ZNF442: variants seen among roughly 807,000 people sequenced by gnomAD.
ZNF442 encodes zinc finger protein 442.
Under a neutral mutation model 57.0 loss-of-function variants are expected in ZNF442, and 45 were observed. That is an observed-to-expected ratio of 0.79 (90% CI 0.62 to 1.01). The LOEUF is 1.01. Among genes scored for constraint, ZNF442 ranks in the 50% least tolerant of loss-of-function variants. ZNF442 has a pLI of 0.00. For missense variants in ZNF442, 690 were observed against 756.5 expected (o/e 0.91, Z 1.03); for synonymous variants, 213 against 241.8 (o/e 0.88, Z 1.10).
Position 12,350,174 on chromosome 19 carries a change from CA to C in ZNF442, c.1410del (p.Ile470MetfsTer62). On this transcript the variant is annotated frameshift_variant, in exon 6 of 6. Transcript: ENST00000242804. LOFTEE classifies it high-confidence loss of function. ...PYKCKCGKAF[I>X]DFYSFQNHET... Reference sequence around the variant, plus strand: ...TCATGATTTTGAAAGGAATAGAAATCAATAAAGGCTTTCCCACATTTACATT... The same window carrying C: ...TCATGATTTTGAAAGGAATAGAAATCATAAAGGCTTTCCCACATTTACATT... 1 of 1,613,676 alleles carries C rather than the reference CA, an allele frequency of 6.2e-7. No homozygotes were observed. The highest frequency in any genetic ancestry group is 8.5e-7 in the Non-Finnish European group (1 of 1,179,890).
chr19:12,363,732 A>G (rs1465438287), intron 2 of ZNF442, 61 bp from the exon 3 acceptor site: 1 of 1,077,428 alleles, frequency 9.3e-7, no homozygotes, highest in Non-Finnish European at 1.4e-6. Context: ...GAAATGGTAT[A>G]CCAGAATATT....
At chr19:12,369,268 G>A (rs1386084179), upstream of ZNF442, among the ~76,000 whole-genome samples, 1 of 152,188 alleles carries the variant, frequency 6.6e-6, no homozygotes, top group Non-Finnish European at 1.5e-5. Flanking sequence ...TGTAATATGG[G>A]TAGAAAGGAA....
rs1444027112 is a variant in ZNF442, at chr19:12,347,476, G to A, written c.*2225C>T. On this transcript the variant is annotated 3_prime_UTR_variant, in exon 6 of 6. Coordinates refer to ENST00000242804, the MANE Select transcript of ZNF442 (RefSeq NM_030824.3). ...CAAATGCTGCAAGGGAGGTTGGTGG[G>A]GAAAACAATCTATGACATGCTTGAA... The A allele has an allele frequency of 6.6e-6, 1 of 152,208 alleles. No individual in the cohort carries two copies. Among genetic ancestry groups the A allele is most frequent in the Non-Finnish European group, 1.5e-5 (1 of 68,066 alleles). 9.4% of individuals were successfully genotyped at this position (152,208 alleles called of 1,614,324 possible). A position where few individuals can be genotyped will look rare whatever the true frequency, so the allele number is the denominator to read the frequency against.
intron 4 of ZNF442, among the ~76,000 whole-genome samples, chr19:12,352,363 G>A (rs916869872): frequency 2.0e-5 from 3 of 152,076 alleles, no homozygotes; most frequent in Non-Finnish European, 2.9e-5. Flanking sequence ...GACTACAGGT[G>A]TGCACCACCA....
At chr19:12,352,486 G>A (rs575226632) in intron 4 of ZNF442, among the ~76,000 whole-genome samples, 3 of 152,110 alleles carry the variant, frequency 2.0e-5, no homozygotes, top group Admixed American at 6.5e-5. Context: ...GATTACAGGC[G>A]TGAGCCACCA....
chr19:12,360,279 G>A (rs1201880283), intron 3 of ZNF442, among the ~76,000 whole-genome samples: 1 of 152,134 alleles, frequency 6.6e-6, no homozygotes, highest in East Asian at 1.9e-4. Flanking sequence ...TCTAGCAACA[G>A]CCCCACAACA....
At position 12,350,443 on chromosome 19, in the gene ZNF442, T is replaced by G. The variant is rs1001569831; in HGVS notation, c.1142A>C (p.Gln381Pro). Reference protein sequence around the residue: ...HTGEKPYECKQCGKALSHHSS... With the variant: ...HTGEKPYECKPCGKALSHHSS... Reference sequence around the variant, plus strand: ...GTGATGAGATAACGCTTTCCCACACTGCTTGCATTCATAGGGTTTCTCTCC... The same window carrying G: ...GTGATGAGATAACGCTTTCCCACACGGCTTGCATTCATAGGGTTTCTCTCC... Residue 381 changes from glutamine (Q) to proline (P), a missense_variant, in exon 6 of 6, where the codon CAG becomes CCG. Physicochemically the swap from Gln to Pro is moderately conservative, Grantham distance 76. Transcript: ENST00000242804. The G allele has an allele frequency of 6.2e-7, 1 of 1,613,990 alleles. No individual in the cohort carries two copies. The highest frequency in any genetic ancestry group is 8.5e-7 in the Non-Finnish European group (1 of 1,179,942).
At chr19:12,355,055 G>A (rs986230287) in intron 3 of ZNF442, among the ~76,000 whole-genome samples, 1 of 152,040 alleles carries the variant, frequency 6.6e-6, no homozygotes, top group Non-Finnish European at 1.5e-5. Context: ...ACTTTGGAAG[G>A]TTGAGGCAGG....
chr19:12,361,937 G>A (rs1969435237), intron 3 of ZNF442, among the ~76,000 whole-genome samples: 1 of 152,214 alleles, frequency 6.6e-6, no homozygotes, highest in Non-Finnish European at 1.5e-5. Flanking sequence ...GGCCGGGCTG[G>A]TCTCCAGCTC....
chr19:12,360,012 C>G (rs986791107), intron 3 of ZNF442, among the ~76,000 whole-genome samples: 18 of 152,052 alleles, frequency 1.2e-4, no homozygotes, highest in Admixed American at 1.1e-3. Flanking sequence ...ACCCTCCATC[C>G]TGCCCTCCCC....
At chr19:12,352,124 A>G in intron 4 of ZNF442, 54 bp from the exon 5 acceptor site, 1 of 1,533,762 alleles carries the variant, frequency 6.5e-7, no homozygotes, top group Admixed American at 1.8e-5. Context: ...TTCTAAAAAC[A>G]CTACAAGATT....
At chr19:12,355,108 A>T (rs142010207) in intron 3 of ZNF442, among the ~76,000 whole-genome samples, 2 of 151,730 alleles carry the variant, frequency 1.3e-5, no homozygotes, top group Non-Finnish European at 2.9e-5. Flanking sequence ...TGGCTAACAC[A>T]GTGAAACCCT....
At chr19:12,351,377 T>C (rs1487768879) in intron 5 of ZNF442, 59 bp from the exon 6 acceptor site, 12 of 1,468,848 alleles carry the variant, frequency 8.2e-6, no homozygotes, top group East Asian at 2.4e-5. Flanking sequence ...TTATGTTTAT[T>C]AGTAGGTACT....
the ZNF442 span, chr19:12,373,661 A>G: frequency 1.3e-5 from 4 of 308,254 alleles, no homozygotes; most frequent in East Asian, 1.0e-4. Flanking sequence ...ATCCGGAAAT[A>G]TGGTCTCAAT....
chr19:12,367,737 C>G (rs182090174), upstream of ZNF442, among the ~76,000 whole-genome samples: 9 of 152,116 alleles, frequency 5.9e-5, no homozygotes, highest in East Asian at 1.7e-3. Context: ...GGCACAATCT[C>G]GGCTCACTGC....
chr19:12,361,615 TG>T (rs1014328087), intron 3 of ZNF442, among the ~76,000 whole-genome samples: 8 of 149,774 alleles, frequency 5.3e-5, no homozygotes, highest in Non-Finnish European at 1.0e-4. Flanking sequence ...CTTGACAGAC[TG>T]GGGGAAAAAA....
At chr19:12,354,361 A>T (rs567307302) in intron 3 of ZNF442, among the ~76,000 whole-genome samples, 1 of 152,340 alleles carries the variant, frequency 6.6e-6, no homozygotes, top group Admixed American at 6.5e-5. Context: ...TCAAAGGAGA[A>T]TAATGGGGAC....
At chr19:12,355,447 C>T (rs950263904) in intron 3 of ZNF442, among the ~76,000 whole-genome samples, 14 of 149,320 alleles carry the variant, frequency 9.4e-5, no homozygotes, top group Admixed American at 4.0e-4. Context: ...CCACAACCTC[C>T]GCCTCCTGGG....
chr19:12,351,749 C>T (rs1334842518), intron 5 of ZNF442: 21 of 388,076 alleles, frequency 5.4e-5, no homozygotes, highest in Non-Finnish European at 6.5e-5. Context: ...TGTGATCGCT[C>T]GCCTTGGCCT....
Sources: gnomAD v4.1 joint callset for allele counts (sites outside exome capture counted in the v4.1 genomes callset) on GRCh38, gnomAD v4.1.1 for gene constraint, MANE v1.5 for transcripts, NCBI Gene and HGNC (gene_info 2026-07-23, HGNC 2026-07-21) for gene names.